The following TFCP2 variants were observed in gnomAD, a reference collection of about 807,000 sequenced individuals.
TFCP2 encodes transcription factor CP2.
In TFCP2, 33 loss-of-function variants were observed where a neutral mutation model predicts 73.4. The observed-to-expected ratio is 0.45, with a 90% CI of 0.34 to 0.60. The LOEUF (loss-of-function observed/expected upper bound fraction) is 0.60. Ranked by LOEUF, TFCP2 falls within the 20% of genes least tolerant of loss-of-function variation. The pLI is 0.01. For missense variants in TFCP2, 352 were observed against 604.0 expected (o/e 0.58, Z 4.37); for synonymous variants, 193 against 211.6 (o/e 0.91, Z 0.76).
chr12:51,149,024 CA>C lies in TFCP2; in HGVS notation c.122+23276del, dbSNP rs60318954. 3.7e-3 allele frequency among the ~76,000 whole-genome samples: 140 copies of C among 38,016 alleles called. 5 individuals carry two copies. The highest frequency in any genetic ancestry group is 0.02 in the East Asian group (25 of 1,238). 24.9% of individuals were successfully genotyped at this position (38,016 alleles called of 152,430 possible). ...TGAGCAACAGAGCAAGACTCCATCT[CA>C]AAAAAAAAAAAAAAAACAGAAAGAA... On this transcript the variant is annotated intron_variant, in intron 1 of 14. Coordinates refer to ENST00000257915, the MANE Select transcript of TFCP2 (RefSeq NM_005653.5).
At chr12:51,124,507 T>C in intron 1 of TFCP2, 1 of 381,768 alleles carries the variant, frequency 2.6e-6, no homozygotes, top group South Asian at 2.0e-5. Flanking sequence ...ATTTCTGGGG[T>C]AGGGGGGTAA....
intron 1 of TFCP2, chr12:51,124,958 G>A (rs959132755): frequency 2.3e-5 from 17 of 751,356 alleles, no homozygotes; most frequent in Non-Finnish European, 2.9e-5. Flanking sequence ...CCGTAAGGTC[G>A]TTGCTCACCT....
At chr12:51,152,196 G>A (rs1199241676) in intron 1 of TFCP2, among the ~76,000 whole-genome samples, 6 of 152,272 alleles carry the variant, frequency 3.9e-5, no homozygotes, top group South Asian at 2.1e-4. Flanking sequence ...AATATGATAC[G>A]CAGAGAACTC....
intron 1 of TFCP2, among the ~76,000 whole-genome samples, chr12:51,130,078 G>T (rs1411811643): frequency 6.6e-6 from 1 of 152,114 alleles, no homozygotes; most frequent in Non-Finnish European, 1.5e-5. Flanking sequence ...TTGAGCCTGG[G>T]AGGTCACAGT....
intron 12 of TFCP2, among the ~76,000 whole-genome samples, chr12:51,099,200 A>C (rs904556733): frequency 1.3e-5 from 2 of 152,208 alleles, no homozygotes; most frequent in Non-Finnish European, 1.5e-5. Flanking sequence ...TAAGAATAGT[A>C]CCTGGCTGGG....
At chr12:51,119,507 T>C (rs1940606977) in intron 1 of TFCP2, among the ~76,000 whole-genome samples, 1 of 152,146 alleles carries the variant, frequency 6.6e-6, no homozygotes, top group South Asian at 2.1e-4. Flanking sequence ...TCCCAGCAAT[T>C]TGGGAGGCCG....
At chr12:51,153,530 A>G (rs960384846) in intron 1 of TFCP2, among the ~76,000 whole-genome samples, 1 of 148,258 alleles carries the variant, frequency 6.7e-6, no homozygotes, top group African/African-American at 2.5e-5. Context: ...CATCATCCCA[A>G]TCTAAAATTC....
At chr12:51,160,027 AAGG>A (rs929214772) in intron 1 of TFCP2, among the ~76,000 whole-genome samples, 4 of 151,990 alleles carry the variant, frequency 2.6e-5, no homozygotes, top group African/African-American at 7.2e-5. Flanking sequence ...CAGAGTTCCA[AAGG>A]AGATGCATCA....
intron 7 of TFCP2, 110 bp from the exon 8 acceptor site, chr12:51,106,723 A>T: frequency 1.2e-6 from 1 of 822,560 alleles, no homozygotes. Context: ...TTAATTCCTC[A>T]GAGACTCCCA....
chr12:51,115,030 C>T (rs1940491223), intron 4 of TFCP2, among the ~76,000 whole-genome samples: 1 of 118,314 alleles, frequency 8.5e-6, no homozygotes, highest in Non-Finnish European at 1.6e-5. Flanking sequence ...CATTGCACTC[C>T]AGCCTGGGCA....
In TFCP2 at chr12:51,103,723, C is replaced by T; in HGVS notation, c.1007G>A (p.Trp336Ter). 6.2e-7 allele frequency: 1 copy of T among 1,613,992 alleles called. No individual in the cohort carries two copies. Among genetic ancestry groups the T allele is most frequent in the Admixed American group, 1.7e-5 (1 of 59,990 alleles). ...TGTAGAAAAACGATTTCGATGCAAC[C>T]ACTGCTGAGCTTCCTGAGGTGTGGT... The part of the protein sequence containing the change: ...PTTTPQEAQQ[W>*]LHRNRFSTFT... The change falls in exon 10 of 15, where the codon TGG becomes TAG. Residue 336 changes from tryptophan (W) to a stop codon, truncating the protein, a stop_gained. Transcript: ENST00000257915. LOFTEE classifies it high-confidence loss of function.
At chr12:51,134,313 C>A (rs1282002773) in intron 1 of TFCP2, among the ~76,000 whole-genome samples, 1 of 152,168 alleles carries the variant, frequency 6.6e-6, no homozygotes, top group African/African-American at 2.4e-5. Flanking sequence ...GAGACAAGGT[C>A]TGGCTCTATT....
intron 1 of TFCP2, among the ~76,000 whole-genome samples, chr12:51,149,051 AG>A (rs1385678510): frequency 6.6e-6 from 1 of 150,760 alleles, no homozygotes; most frequent in Non-Finnish European, 1.5e-5. Context: ...ACAGAAAGAA[AG>A]AAAATGTGGT....
intron 1 of TFCP2, among the ~76,000 whole-genome samples, chr12:51,150,982 G>C (rs1941409825): frequency 6.6e-6 from 1 of 152,020 alleles, no homozygotes; most frequent in Admixed American, 6.6e-5. Context: ...AAGCAGAGGG[G>C]GTAAAGAAAG....
At chr12:51,103,457 TA>T (rs1438610505) in intron 10 of TFCP2, among the ~76,000 whole-genome samples, 1 of 152,218 alleles carries the variant, frequency 6.6e-6, no homozygotes, top group African/African-American at 2.4e-5. Flanking sequence ...AAATTGAATT[TA>T]AACTAAAAAG....
chr12:51,116,530 A>C (rs1168057300), intron 3 of TFCP2, 110 bp from the exon 4 acceptor site: 11 of 505,220 alleles, frequency 2.2e-5, no homozygotes, highest in Non-Finnish European at 3.5e-5. Flanking sequence ...GCAATCTAAA[A>C]TTATTTTTCT....
chr12:51,147,478 T>C (rs1415550087), intron 1 of TFCP2, among the ~76,000 whole-genome samples: 1 of 150,448 alleles, frequency 6.6e-6, no homozygotes, highest in African/African-American at 2.5e-5. Context: ...CAGCAACAAA[T>C]GGAAACTACT....
At chr12:51,166,360 C>G (rs996414904) in intron 1 of TFCP2, among the ~76,000 whole-genome samples, 3 of 150,966 alleles carry the variant, frequency 2.0e-5, no homozygotes, top group Non-Finnish European at 4.4e-5. Context: ...AAGTTAACAT[C>G]TGTGAACAGC....
chr12:51,154,846 A>G (rs1941504771), intron 1 of TFCP2, among the ~76,000 whole-genome samples: 1 of 152,184 alleles, frequency 6.6e-6, no homozygotes, highest in Admixed American at 6.6e-5. Flanking sequence ...AACCCCCACA[A>G]GTAGAATTAC....
Sources: allele counts gnomAD v4.1 joint callset (sites outside exome capture counted in the v4.1 genomes callset), GRCh38; gene constraint gnomAD v4.1.1; transcripts MANE v1.5; gene names NCBI Gene and HGNC (gene_info 2026-07-23, HGNC 2026-07-21).